The following CACNA2D1 variants were observed in gnomAD, a reference collection of about 807,000 sequenced individuals.
CACNA2D1 encodes calcium voltage-gated channel auxiliary subunit alpha2delta 1, also known as voltage-dependent calcium channel subunit alpha-2/delta-1.
Under a neutral mutation model 171.5 loss-of-function variants are expected in CACNA2D1, and 53 were observed. That is an observed-to-expected ratio of 0.31 (90% CI 0.25 to 0.39). The LOEUF is 0.39. Among genes scored for constraint, CACNA2D1 ranks in the 10% least tolerant of loss-of-function variants. The probability of loss-of-function intolerance (pLI) is 1.00; values close to 1 mark genes in which losing one functional copy is unlikely to be tolerated. For missense variants in CACNA2D1, 903 were observed against 1,299.8 expected (o/e 0.69, Z 4.69); for synonymous variants, 442 against 443.1 (o/e 1.00, Z 0.03).
chr7:82,261,126 T>C (rs1054951865), intron 3 of CACNA2D1, among the ~76,000 whole-genome samples: 1 of 152,120 alleles, frequency 6.6e-6, no homozygotes, highest in African/African-American at 2.4e-5. Flanking sequence ...GGCTAAATTT[T>C]GTATTTTTAG....
rs1218449046 is a variant in CACNA2D1, at chr7:81,959,810, G to A, written c.2986C>T (p.Leu996Phe). The A allele has an allele frequency of 9.9e-6, 16 of 1,612,094 alleles. No individual in the cohort carries two copies. Among genetic ancestry groups the A allele is most frequent in the African/African-American group, 1.3e-5 (1 of 74,818 alleles). Reference protein sequence around the residue: ...NCSRIFHGEKLMNTNLIFIMV... With the variant: ...NCSRIFHGEKFMNTNLIFIMV... ...ATGAATATTAAGTTGGTGTTCATAA[G>A]CTTTTCTCCATGAAAGATTCTGCAA... Residue 996 changes from leucine (L) to phenylalanine (F), a missense_variant, in exon 37 of 39, where the codon CTT (leucine) becomes TTT (phenylalanine). Physicochemically the swap from Leu to Phe is conservative, Grantham distance 22. Coordinates refer to ENST00000356860, the MANE Select transcript of CACNA2D1 (RefSeq NM_000722.4).
In CACNA2D1 at chr7:82,441,196, T is replaced by C. The variant is rs186294065; in HGVS notation, c.95+2169A>G. Among the ~76,000 whole-genome samples the C allele has an allele frequency of 1.2e-4, 19 of 152,140 alleles. No individual in the cohort carries two copies. The East Asian group carries it at 3.7e-3, about 29-fold the overall frequency. On this transcript the variant is annotated intron_variant, in intron 1 of 38. Transcript: ENST00000356860. ...ATGAAAAATATTGCATTTTTTAATT[T>C]CATAAAGTTTATTCAGAAATCTAAC...
At chr7:82,044,847 A>T (rs1443392388) in intron 10 of CACNA2D1, among the ~76,000 whole-genome samples, 2 of 152,196 alleles carry the variant, frequency 1.3e-5, no homozygotes, top group Admixed American at 1.3e-4. Context: ...ATAAGAGATT[A>T]TATGAAAATG....
chr7:81,976,374 G>A (rs1795843762), intron 24 of CACNA2D1, among the ~76,000 whole-genome samples: 1 of 152,136 alleles, frequency 6.6e-6, no homozygotes, highest in Non-Finnish European at 1.5e-5. Context: ...CTATCCATGA[G>A]CATGGAATGT....
intron 3 of CACNA2D1, among the ~76,000 whole-genome samples, chr7:82,303,069 C>G (rs1013153043): frequency 2.0e-5 from 3 of 152,152 alleles, no homozygotes; most frequent in Non-Finnish European, 4.4e-5. Context: ...TCTCGGCTCA[C>G]TGCAAGCTCC....
At chr7:82,297,071 C>CAA (rs1812375935) in intron 3 of CACNA2D1, among the ~76,000 whole-genome samples, 1 of 34,396 alleles carries the variant, frequency 2.9e-5, no homozygotes, top group African/African-American at 2.1e-4. Context: ...TCTGTGTCTA[C>CAA]CAAAAAAAAA....
chr7:81,957,230 C>A (rs1168015300), intron 38 of CACNA2D1, among the ~76,000 whole-genome samples: 1 of 151,972 alleles, frequency 6.6e-6, no homozygotes, highest in Non-Finnish European at 1.5e-5. Flanking sequence ...AATTTTTACA[C>A]AAAAACTTTA....
At chr7:82,100,090 G>GA (rs1032044316) in intron 6 of CACNA2D1, among the ~76,000 whole-genome samples, 13 of 150,776 alleles carry the variant, frequency 8.6e-5, no homozygotes, top group South Asian at 2.1e-4. Context: ...GATTTCAAAG[G>GA]AAAAAAAAAT....
rs537907321 is a variant in CACNA2D1, at chr7:82,002,393, G to A, written c.1590+3030C>T. Among the ~76,000 whole-genome samples the A allele has an allele frequency of 4.6e-5, 7 of 152,208 alleles. No individual in the cohort carries two copies. The East Asian group carries it at 1.4e-3, about 29-fold the overall frequency. On this transcript the variant is annotated intron_variant, in intron 18 of 38. Coordinates refer to ENST00000356860, the MANE Select transcript of CACNA2D1 (RefSeq NM_000722.4). ...TCAGAACTGTGAGTTACTAAATTCT[G>A]TTTATAAGCCACCCAGTCTATAGTA...
At position 82,137,687 on chromosome 7, in the gene CACNA2D1, C is replaced by A. The variant is rs1038502111; in HGVS notation, c.355-1011G>T. 8.7e-5 allele frequency among the ~76,000 whole-genome samples: 11 copies of A among 126,134 alleles called. No homozygotes were observed. The East Asian group carries it at 2.6e-3, about 30-fold the overall frequency. The allele number at this position is 126,134 out of a possible 152,430, so 82.7% of individuals were successfully genotyped here. On this transcript the variant is annotated intron_variant, in intron 4 of 38. Coordinates refer to ENST00000356860, the MANE Select transcript of CACNA2D1 (RefSeq NM_000722.4). ...GAGATCGAGACCATCCTGGCTAATA[C>A]AGTGAAACTCCGTCTCTACTAAAAA...
At chr7:82,423,870 C>G (rs1828938691) in intron 1 of CACNA2D1, among the ~76,000 whole-genome samples, 1 of 152,052 alleles carries the variant, frequency 6.6e-6, no homozygotes, top group African/African-American at 2.4e-5. Flanking sequence ...TCTACCAGTC[C>G]ACAAGAAAAG....
intron 4 of CACNA2D1, among the ~76,000 whole-genome samples, chr7:82,162,666 A>G (rs1420729378): frequency 6.6e-6 from 1 of 151,996 alleles, no homozygotes; most frequent in African/African-American, 2.4e-5. Flanking sequence ...CAGATCTCTC[A>G]AAAGCATCTT....
intron 32 of CACNA2D1, 25 bp from the exon 33 acceptor site, chr7:81,964,384 C>T (rs1407614909): frequency 6.2e-7 from 1 of 1,603,578 alleles, no homozygotes; most frequent in Admixed American, 1.7e-5. Context: ...AATCATAAAG[C>T]AACGTGCACT....
At chr7:82,005,528 T>A in intron 17 of CACNA2D1, 31 bp from the exon 18 acceptor site, 2 of 1,296,816 alleles carry the variant, frequency 1.5e-6, no homozygotes, top group Non-Finnish European at 2.2e-6. Flanking sequence ...AAAGCTTGGA[T>A]ATGCCTGAGT....
intron 11 of CACNA2D1, chr7:82,033,106 T>A: frequency 4.1e-6 from 2 of 482,018 alleles, no homozygotes; most frequent in South Asian, 5.8e-5. Context: ...TAACCATAAG[T>A]CTATCTCACT....
Position 82,170,555 on chromosome 7 carries a change from AATC to A in CACNA2D1, c.346_348del (p.Asp116del), listed in dbSNP as rs1269361621. 3 of 1,612,270 alleles carry A rather than the reference AATC, an allele frequency of 1.9e-6. No homozygotes were observed. Among genetic ancestry groups the A allele is most frequent in the African/African-American group, 2.7e-5 (2 of 74,786 alleles). ...TAGTTAAAAGGGGTTCTTACTGCAAAATCTTCTCTCCACTGGTGAGCTGCTTGA... is the reference window on the plus strand; with the variant it reads ...TAGTTAAAAGGGGTTCTTACTGCAAATTCTCTCCACTGGTGAGCTGCTTGA... On this transcript the variant is annotated inframe_deletion, in exon 4 of 39. Coordinates refer to ENST00000356860, the MANE Select transcript of CACNA2D1 (RefSeq NM_000722.4).
chr7:82,146,459 TATAA>T (rs1482277800), intron 4 of CACNA2D1, among the ~76,000 whole-genome samples: 1 of 145,568 alleles, frequency 6.9e-6, no homozygotes, highest in African/African-American at 2.5e-5. Context: ...TAAAGATATA[TATAA>T]ATATATATCT....
At chr7:82,097,618 C>T (rs1348583135) in intron 6 of CACNA2D1, among the ~76,000 whole-genome samples, 1 of 152,084 alleles carries the variant, frequency 6.6e-6, no homozygotes, top group Non-Finnish European at 1.5e-5. Flanking sequence ...CAATTTTGAA[C>T]ATAACGTGAG....
At chr7:82,075,321 A>C (rs1808831984) in intron 7 of CACNA2D1, among the ~76,000 whole-genome samples, 1 of 152,240 alleles carries the variant, frequency 6.6e-6, no homozygotes, top group Admixed American at 6.5e-5. Flanking sequence ...TCTGTCTGTC[A>C]GCAGGAGTAG....
Sources: allele counts gnomAD v4.1 joint callset (sites outside exome capture counted in the v4.1 genomes callset), GRCh38; gene constraint gnomAD v4.1.1; transcripts MANE v1.5; gene names NCBI Gene and HGNC (gene_info 2026-07-23, HGNC 2026-07-21).